The following CCDC167 variants were observed in gnomAD, a reference collection of about 807,000 sequenced individuals.
The protein encoded by CCDC167 is coiled-coil domain-containing protein 167.
Under a neutral mutation model 12.7 loss-of-function variants are expected in CCDC167, and 15 were observed. That is an observed-to-expected ratio of 1.18 (90% CI 0.79 to 1.81). CCDC167 has a LOEUF of 1.81. CCDC167 is among the 40% of genes most tolerant of loss of function. CCDC167 has a pLI of 0.00. For missense variants in CCDC167, 121 were observed against 120.1 expected (o/e 1.01, Z -0.03); for synonymous variants, 52 against 49.0 (o/e 1.06, Z -0.26).
Position 37,485,172 on chromosome 6 carries a change from A to G in CCDC167, c.65T>C (p.Leu22Pro). 6 of 1,613,564 alleles carry G rather than the reference A, an allele frequency of 3.7e-6. No homozygotes were observed. Among genetic ancestry groups the G allele is most frequent in the Non-Finnish European group, 5.1e-6 (6 of 1,179,952 alleles). ...CTCCAGGTCTCTCCGACACTGGGACAGCTTCTCCTCTAGCCCATCGATCTG... is the reference window on the plus strand; with the variant it reads ...CTCCAGGTCTCTCCGACACTGGGACGGCTTCTCCTCTAGCCCATCGATCTG... ...ALEIDGLEEK[L>P]SQCRRDLEAV... The change falls in exon 2 of 4, where the codon CTG becomes CCG. Residue 22 changes from leucine (L) to proline (P), a missense_variant. Physicochemically the swap from Leu to Pro is moderately conservative, Grantham distance 98. Transcript: ENST00000373408.
At chr6:37,484,344 A>T (rs1480188997) in intron 3 of CCDC167, among the ~76,000 whole-genome samples, 1 of 152,138 alleles carries the variant, frequency 6.6e-6, no homozygotes, top group Non-Finnish European at 1.5e-5. Flanking sequence ...CCTGGCCTCT[A>T]CCTGCCTCTG....
chr6:37,492,208 A>C (rs1561799323), intron 1 of CCDC167, among the ~76,000 whole-genome samples: 1 of 152,220 alleles, frequency 6.6e-6, no homozygotes, highest in East Asian at 1.9e-4. Context: ...TGCTCTTTCC[A>C]CCACTTCAAG....
chr6:37,491,310 A>G (rs1480882714), intron 1 of CCDC167, among the ~76,000 whole-genome samples: 3 of 152,206 alleles, frequency 2.0e-5, no homozygotes, highest in Non-Finnish European at 4.4e-5. Context: ...CAGAGCATCT[A>G]GACAGCCGGG....
chr6:37,486,939 T>G (rs1254064410), intron 1 of CCDC167, among the ~76,000 whole-genome samples: 1 of 147,244 alleles, frequency 6.8e-6, no homozygotes, highest in Non-Finnish European at 1.5e-5. Context: ...AGAGCACAAA[T>G]AAAGCTTAAT....
rs558170932 is a variant in CCDC167, at chr6:37,499,118, C to T, written c.42+704G>A. On this transcript the variant is annotated intron_variant, in intron 1 of 3. Coordinates refer to ENST00000373408, the MANE Select transcript of CCDC167 (RefSeq NM_138493.3). ...GCTCCACCACTTCCACCATCTCAGC[C>T]TGGGTTCCACCTGGAACCTCAATTT... is the stretch of plus-strand genomic sequence containing the variant. Among the ~76,000 whole-genome samples the T allele has an allele frequency of 7.2e-5, 11 of 152,346 alleles. No homozygotes were observed. The East Asian group carries it at 2.1e-3, about 29-fold the overall frequency.
chr6:37,494,756 C>A (rs552062258), intron 1 of CCDC167, among the ~76,000 whole-genome samples: 14 of 151,422 alleles, frequency 9.2e-5, no homozygotes, highest in Admixed American at 3.3e-4. Context: ...AATACCAACT[C>A]TGACATAGCT....
chr6:37,499,205 A>G (rs1762135040), intron 1 of CCDC167, among the ~76,000 whole-genome samples: 1 of 152,240 alleles, frequency 6.6e-6, no homozygotes, highest in Admixed American at 6.5e-5. Context: ...AAAGTAGCAC[A>G]TAGCGGTTGC....
rs755263071 is a variant in CCDC167 at position 37,483,146 on chromosome 6, C to G, written c.*40G>C. On this transcript the variant is annotated 3_prime_UTR_variant, in exon 4 of 4. Transcript: ENST00000373408. ...TGCCTGCTTGATCCTGATCAAGGGG[C>G]CAAGTGGAAGCCTGTGCTGGTTGTG... The G allele has an allele frequency of 6.7e-7, 1 of 1,497,318 alleles. No individual in the cohort carries two copies. Among genetic ancestry groups the G allele is most frequent in the Non-Finnish European group, 9.3e-7 (1 of 1,073,722 alleles). 92.8% of individuals were successfully genotyped at this position (1,497,318 alleles called of 1,614,324 possible).
In CCDC167 at chr6:37,491,467, C is replaced by T. The variant is rs547528275; in HGVS notation, c.43-6273G>A. ...TTTAGGAAGCTGTTTGCTGTCTCTCCGGCTTTACTCTTGGGAGCTTCTGGC... is the reference window on the plus strand; with the variant it reads ...TTTAGGAAGCTGTTTGCTGTCTCTCTGGCTTTACTCTTGGGAGCTTCTGGC... On this transcript the variant is annotated intron_variant, in intron 1 of 3. Transcript: ENST00000373408. 2.1e-3 allele frequency among the ~76,000 whole-genome samples: 313 copies of T among 152,284 alleles called. 2 individuals carry two copies. Among genetic ancestry groups the T allele is most frequent in the African/African-American group, 6.2e-3 (256 of 41,562 alleles).
intron 1 of CCDC167, among the ~76,000 whole-genome samples, chr6:37,498,696 G>A (rs1157628209): frequency 6.6e-6 from 1 of 151,884 alleles, no homozygotes; most frequent in African/African-American, 2.4e-5. Context: ...ATGGTGGCAC[G>A]TGCCTGTAAT....
At chr6:37,496,459 C>T (rs79996688) in intron 1 of CCDC167, among the ~76,000 whole-genome samples, 1 of 152,046 alleles carries the variant, frequency 6.6e-6, no homozygotes, top group Non-Finnish European at 1.5e-5. Context: ...AAAATAAAAA[C>T]TTAAAAGTCT....
At chr6:37,498,434 C>A (rs1018356745) in intron 1 of CCDC167, among the ~76,000 whole-genome samples, 4 of 152,156 alleles carry the variant, frequency 2.6e-5, no homozygotes, top group African/African-American at 2.4e-5. Flanking sequence ...TTCCATCAAC[C>A]TTTTTCCTAC....
intron 3 of CCDC167, among the ~76,000 whole-genome samples, chr6:37,484,130 C>G (rs1761907782): frequency 6.6e-6 from 1 of 152,240 alleles, no homozygotes. Context: ...TAGGTGTGCA[C>G]TGTGCCTACG....
intron 1 of CCDC167, among the ~76,000 whole-genome samples, chr6:37,494,940 C>T (rs59158311): frequency 0.084 from 12,766 of 151,566 alleles, 946 homozygotes; most frequent in African/African-American, 0.2. Context: ...GCTGGGATTA[C>T]AGGCGTGTAC....
At chr6:37,485,054 T>TG (rs1240794958) in intron 2 of CCDC167, 46 bp downstream of exon 2, 1 of 1,259,108 alleles carries the variant, frequency 7.9e-7, no homozygotes, top group African/African-American at 1.6e-5. Context: ...ATACAGGGGG[T>TG]GGGGGCCTGA....
chr6:37,487,301 G>T (rs939288414), intron 1 of CCDC167, among the ~76,000 whole-genome samples: 2 of 152,164 alleles, frequency 1.3e-5, no homozygotes, highest in Admixed American at 1.3e-4. Flanking sequence ...TCTCCTCTTT[G>T]TGCCCACCAA....
chr6:37,493,172 CCG>C (rs1762045520), intron 1 of CCDC167, among the ~76,000 whole-genome samples: 3 of 152,226 alleles, frequency 2.0e-5, no homozygotes. Flanking sequence ...GGCGAGGGAA[CCG>C]CTGCAGCCCA....
intron 1 of CCDC167, 48 bp from the exon 2 acceptor site, chr6:37,485,242 C>A: frequency 7.0e-7 from 1 of 1,438,194 alleles, no homozygotes. Context: ...TTCTAGCTCT[C>A]AAAACACTGG....
chr6:37,487,603 A>G (rs193096725), intron 1 of CCDC167, among the ~76,000 whole-genome samples: 5 of 152,172 alleles, frequency 3.3e-5, no homozygotes, highest in African/African-American at 1.2e-4. Flanking sequence ...CTGGGGAGGG[A>G]GCAGATTGCG....
Sources: allele counts gnomAD v4.1 joint callset (sites outside exome capture counted in the v4.1 genomes callset), GRCh38; gene constraint gnomAD v4.1.1; transcripts MANE v1.5; gene names NCBI Gene and HGNC (gene_info 2026-07-23, HGNC 2026-07-21).